The following RAMP1 variants were observed in gnomAD, a reference collection of about 807,000 sequenced individuals.
RAMP1 encodes the protein receptor activity-modifying protein 1.
Under a neutral mutation model 8.2 loss-of-function variants are expected in RAMP1, and 7 were observed. That is an observed-to-expected ratio of 0.85 (90% CI 0.49 to 1.60). RAMP1 has a LOEUF of 1.60. Ranked by LOEUF, RAMP1 falls within the 40% of genes most tolerant of loss-of-function variation. The pLI, the probability that RAMP1 is intolerant of heterozygous loss-of-function variation, is 0.00. For synonymous variants in RAMP1, 92 were observed against 84.7 expected, an observed-to-expected ratio of 1.09 and a Z score of -0.47; for missense variants, 192 against 202.4, an observed-to-expected ratio of 0.95 and a Z score of 0.31.
At chr2:237,891,690 A>T (rs1191245124) in intron 2 of RAMP1, among the ~76,000 whole-genome samples, 1 of 152,214 alleles carries the variant, frequency 6.6e-6, no homozygotes, top group East Asian at 1.9e-4. Flanking sequence ...CTTGAAAAAG[A>T]AGAAATTATC....
At chr2:237,859,810 G>T in intron 1 of RAMP1, 83 bp downstream of exon 1, 1 of 972,838 alleles carries the variant, frequency 1.0e-6, no homozygotes, top group Non-Finnish European at 1.4e-6. Flanking sequence ...GAGCGGGTGG[G>T]AGCGGGTGGG....
chr2:237,911,401 G>A (rs2062710735), intron 2 of RAMP1, 127 bp from the exon 3 acceptor site: 1 of 1,343,320 alleles, frequency 7.4e-7, no homozygotes, highest in Non-Finnish European at 1.0e-6. Flanking sequence ...CACTGCCTCG[G>A]CGTCGGGGCT....
In RAMP1 at chr2:237,865,480, C is replaced by T. The variant is rs1483090303; in HGVS notation, c.52+5753C>T. 6.6e-6 allele frequency among the ~76,000 whole-genome samples: 1 copy of T among 152,000 alleles called. No individual in the cohort carries two copies. Among genetic ancestry groups the T allele is most frequent in the African/African-American group, 2.4e-5 (1 of 41,360 alleles). Reference sequence around the variant, plus strand: ...AGCATAAGCCTGTCTCATACAGTATCGGGAACATGCCTCAAAAACCACCGT... The same window carrying T: ...AGCATAAGCCTGTCTCATACAGTATTGGGAACATGCCTCAAAAACCACCGT... On this transcript the variant is annotated intron_variant, in intron 1 of 2. Transcript: ENST00000254661. This position sits in a 1 kb window ranked among gnomAD's most constrained non-coding sequence, Gnocchi z 4.2.
chr2:237,902,450 C>T (rs67976796), intron 2 of RAMP1, among the ~76,000 whole-genome samples: 14,797 of 150,672 alleles, frequency 0.098, 1,142 homozygotes, highest in African/African-American at 0.22. Flanking sequence ...ACCAGGAGGA[C>T]GCAGAGGTCT....
intron 1 of RAMP1, among the ~76,000 whole-genome samples, chr2:237,871,713 C>G (rs1397131239): frequency 6.6e-6 from 1 of 152,182 alleles, no homozygotes; most frequent in Non-Finnish European, 1.5e-5. Context: ...CCAGGATTTG[C>G]TTATAAATTA....
chr2:237,884,810 C>G (rs901295366), intron 2 of RAMP1, among the ~76,000 whole-genome samples: 1 of 152,258 alleles, frequency 6.6e-6, no homozygotes, highest in African/African-American at 2.4e-5. Context: ...GCTTTGGTTA[C>G]CCGAGGCTGT....
At chr2:237,859,792 G>C in intron 1 of RAMP1, 65 bp downstream of exon 1, 1 of 1,323,796 alleles carries the variant, frequency 7.6e-7, no homozygotes, top group Non-Finnish European at 1.0e-6. Flanking sequence ...CTCTAGGGGA[G>C]AGGAGGGGAG....
chr2:237,873,372 C>T (rs1376340278), intron 1 of RAMP1, among the ~76,000 whole-genome samples: 1 of 152,220 alleles, frequency 6.6e-6, no homozygotes, highest in African/African-American at 2.4e-5. Flanking sequence ...CTTAGAAAGC[C>T]CAAACACCTG....
At chr2:237,896,009 CA>C (rs2062539057) in intron 2 of RAMP1, among the ~76,000 whole-genome samples, 1 of 152,196 alleles carries the variant, frequency 6.6e-6, no homozygotes, top group East Asian at 1.9e-4. Flanking sequence ...GGACACCTCC[CA>C]GGGGTTGTAG....
At chr2:237,886,038 A>G (rs2062428372) in intron 2 of RAMP1, among the ~76,000 whole-genome samples, 1 of 152,300 alleles carries the variant, frequency 6.6e-6, no homozygotes, top group South Asian at 2.1e-4. Context: ...GCCAGGAAAG[A>G]CATGCAGCTC....
intron 2 of RAMP1, among the ~76,000 whole-genome samples, chr2:237,900,900 G>A (rs62197085): frequency 2.7e-4 from 41 of 152,336 alleles, no homozygotes; most frequent in Non-Finnish European, 5.1e-4. Context: ...TTGAAAAGCC[G>A]GCTGAGTCTC....
At chr2:237,894,087 A>G (rs1413248302) in intron 2 of RAMP1, among the ~76,000 whole-genome samples, 1 of 139,094 alleles carries the variant, frequency 7.2e-6, no homozygotes, top group Non-Finnish European at 1.5e-5. Flanking sequence ...CTTGTGCCTC[A>G]GCCTCCCTAG....
chr2:237,910,190 A>G (rs1446809651), intron 2 of RAMP1, among the ~76,000 whole-genome samples: 1 of 152,114 alleles, frequency 6.6e-6, no homozygotes, highest in Non-Finnish European at 1.5e-5. Flanking sequence ...GTTCACACAC[A>G]CAGAATAACA....
Position 237,865,943 on chromosome 2 carries a change from C to T in RAMP1, c.52+6216C>T, listed in dbSNP as rs1339950627. On this transcript the variant is annotated intron_variant, in intron 1 of 2. Coordinates refer to ENST00000254661, the MANE Select transcript of RAMP1 (RefSeq NM_005855.4). This position sits in a 1 kb window ranked among gnomAD's most constrained non-coding sequence, Gnocchi z 4.2. Reference sequence around the variant, plus strand: ...CGAGGAGGTGAAACCAGAGAGCATGCCTGTGTAGGTTTCCTCCAGTGCCTT... The same window carrying T: ...CGAGGAGGTGAAACCAGAGAGCATGTCTGTGTAGGTTTCCTCCAGTGCCTT... 6.6e-6 allele frequency among the ~76,000 whole-genome samples: 1 copy of T among 152,178 alleles called. No individual in the cohort carries two copies. The highest frequency in any genetic ancestry group is 6.5e-5 in the Admixed American group (1 of 15,284).
At chr2:237,891,149 A>G (rs2062483501) in intron 2 of RAMP1, among the ~76,000 whole-genome samples, 1 of 149,930 alleles carries the variant, frequency 6.7e-6, no homozygotes, top group Non-Finnish European at 1.5e-5. Flanking sequence ...TTTTCATTGT[A>G]TTCTCTTTTT....
chr2:237,879,328 G>A (rs2062341657), intron 2 of RAMP1, among the ~76,000 whole-genome samples: 1 of 151,858 alleles, frequency 6.6e-6, no homozygotes. Context: ...ATGGTGGAGT[G>A]TCCTTAGAAA....
chr2:237,894,068 CA>C (rs2062513787), intron 2 of RAMP1, among the ~76,000 whole-genome samples: 1 of 140,130 alleles, frequency 7.1e-6, no homozygotes, highest in Admixed American at 7.6e-5. Flanking sequence ...CTCCCAAGTT[CA>C]CGTGATTCTT....
chr2:237,885,024 G>T (rs1024176573), intron 2 of RAMP1, among the ~76,000 whole-genome samples: 1 of 152,232 alleles, frequency 6.6e-6, no homozygotes, highest in Non-Finnish European at 1.5e-5. Context: ...CAGGCATGAC[G>T]CTCTGGGTCC....
At chr2:237,903,920 G>T (rs1559954286) in intron 2 of RAMP1, among the ~76,000 whole-genome samples, 1 of 151,898 alleles carries the variant, frequency 6.6e-6, no homozygotes, top group African/African-American at 2.4e-5. Context: ...GTATTTTTTT[G>T]TAGAGACAAG....
Sources: gnomAD v4.1 joint callset for allele counts (sites outside exome capture counted in the v4.1 genomes callset) on GRCh38, gnomAD v4.1.1 for gene constraint, Gnocchi (gnomAD v3.1) non-coding constraint, MANE v1.5 for transcripts, NCBI Gene and HGNC (gene_info 2026-07-23, HGNC 2026-07-21) for gene names.